PALS2: variants seen among roughly 807,000 people sequenced by gnomAD.
PALS2 encodes the protein protein PALS2.
Under a neutral mutation model 61.6 loss-of-function variants are expected in PALS2, and 27 were observed. The observed-to-expected ratio is 0.44, with a 90% CI of 0.32 to 0.60. PALS2 has a LOEUF of 0.60. Among genes scored for constraint, PALS2 ranks in the 20% least tolerant of loss-of-function variants. PALS2 has a pLI of 0.05. For missense variants in PALS2, 554 were observed against 639.4 expected, an observed-to-expected ratio of 0.87 and a Z score of 1.44; for synonymous variants, 236 against 218.6, an observed-to-expected ratio of 1.08 and a Z score of -0.70.
chr7:24,664,128 G>T (rs1043108304), intron 6 of PALS2, among the ~76,000 whole-genome samples: 2 of 151,976 alleles, frequency 1.3e-5, no homozygotes, highest in African/African-American at 4.8e-5. Context: ...CCTCATGTTC[G>T]TTCATAGCAA....
chr7:24,589,162 G>A (rs1307812171), intron 1 of PALS2: 1 of 152,066 alleles, frequency 6.6e-6, no homozygotes, highest in Non-Finnish European at 1.5e-5. Context: ...TGTCTGCTTT[G>A]TATACACATC....
At chr7:24,588,992 A>G (rs1351091895) in intron 1 of PALS2, 2 of 152,194 alleles carry the variant, frequency 1.3e-5, no homozygotes, top group African/African-American at 4.8e-5. Context: ...TATAACAACT[A>G]CACTGTACAA....
chr7:24,592,450 C>T (rs535263579), intron 1 of PALS2, among the ~76,000 whole-genome samples: 1 of 152,044 alleles, frequency 6.6e-6, no homozygotes, highest in East Asian at 1.9e-4. Flanking sequence ...TGTGAAGGCC[C>T]TTATGCTGTA....
rs1471645361 is a variant in PALS2, at chr7:24,690,195, T to C, written c.*2581T>C. The C allele has an allele frequency of 6.6e-6, 1 of 152,188 alleles. No individual in the cohort carries two copies. The highest frequency in any genetic ancestry group is 1.5e-5 in the Non-Finnish European group (1 of 68,020). The allele number at this position is 152,188 out of a possible 1,614,324, so 9.4% of individuals were successfully genotyped here. A position where few individuals can be genotyped will look rare whatever the true frequency, so the allele number is the denominator to read the frequency against. ...GTTAGATAAGTTCATTGTATCTCAA[T>C]GAAGAATCATTGAACTTGAAACCCA... On this transcript the variant is annotated 3_prime_UTR_variant, in exon 12 of 12. Coordinates refer to ENST00000222644, the MANE Select transcript of PALS2 (RefSeq NM_001303037.2).
chr7:24,577,344 C>A (rs1225239385), intron 1 of PALS2, among the ~76,000 whole-genome samples: 1 of 147,922 alleles, frequency 6.8e-6, no homozygotes, highest in Non-Finnish European at 1.5e-5. Context: ...CTCTGGCTAA[C>A]TTTAGGATTG....
At chr7:24,593,834 C>T (rs558939154) in intron 1 of PALS2, among the ~76,000 whole-genome samples, 91 of 152,156 alleles carry the variant, frequency 6.0e-4, no homozygotes, top group Non-Finnish European at 1.1e-3. Context: ...TTTTATGGGA[C>T]AGGATTTTTC....
At position 24,585,126 on chromosome 7, in the gene PALS2, G is replaced by T. The variant is rs184749101; in HGVS notation, c.-3+11533G>T. ...CCTCCAGCTTTGTTCTTTTGGCTTA[G>T]GATTACCTTGGCAATGTGGGCTCTT... On this transcript the variant is annotated intron_variant, in intron 1 of 11. Coordinates refer to ENST00000222644, the MANE Select transcript of PALS2 (RefSeq NM_001303037.2). Among the ~76,000 whole-genome samples, 5 of 152,266 alleles carry T rather than the reference G, an allele frequency of 3.3e-5. No homozygotes were observed. In the East Asian group the frequency reaches 9.6e-4, roughly 29 times the overall value.
chr7:24,649,122 A>G (rs565523772), intron 3 of PALS2, among the ~76,000 whole-genome samples: 1 of 152,226 alleles, frequency 6.6e-6, no homozygotes, highest in South Asian at 2.1e-4. Context: ...ATATTTATCC[A>G]TTTTCTGTTG....
chr7:24,687,524 T>C lies in PALS2; in HGVS notation c.1533T>C (p.Asp511=), dbSNP rs2128038355. 6.2e-7 allele frequency: 1 copy of C among 1,613,180 alleles called. No individual in the cohort carries two copies. Among genetic ancestry groups the C allele is most frequent in the Non-Finnish European group, 8.5e-7 (1 of 1,179,672 alleles). ...NHYFDLIIIN[D]NLDKAFEKLQ... ...ATTTTGATTTGATCATCATAAATGA[T>C]AATCTAGACAAAGCCTTTGAAAAAC... Residue 511 remains aspartate, a synonymous_variant, in exon 12 of 12, where the codon GAT becomes GAC. Transcript: ENST00000222644. The surrounding 1 kb of genome is among the most constrained non-coding windows in gnomAD (Gnocchi z 4.5).
intron 1 of PALS2, among the ~76,000 whole-genome samples, chr7:24,613,130 A>C (rs973472213): frequency 3.3e-5 from 5 of 151,678 alleles, no homozygotes; most frequent in Non-Finnish European, 7.4e-5. Context: ...TCTATGTAGA[A>C]ATTGGAAAGC....
Position 24,687,668 on chromosome 7 carries a change from A to G in PALS2, c.*54A>G. 5 of 1,498,722 alleles carry G rather than the reference A, an allele frequency of 3.3e-6. No individual in the cohort carries two copies. The highest frequency in any genetic ancestry group is 1.9e-4 in the Middle Eastern group (1 of 5,338). 92.8% of individuals were successfully genotyped at this position (1,498,722 alleles called of 1,614,324 possible). A position where few individuals can be genotyped will look rare whatever the true frequency, so the allele number is the denominator to read the frequency against. The stretch of plus-strand genomic sequence containing the variant: ...AAACTCTTAAAAAGTGACTGCAACA[A>G]ATAAACCTTCTACTGAGAAAATACA... On this transcript the variant is annotated 3_prime_UTR_variant, in exon 12 of 12. Transcript: ENST00000222644. This position sits in a 1 kb window ranked among gnomAD's most constrained non-coding sequence, Gnocchi z 4.5.
rs995967440 is a variant in PALS2, at chr7:24,618,010, T to C, written c.-2-5656T>C. ...GCTGGGTGCACAACTGCTTAGCCAG[T>C]CTGTGGGCATGTTTGTTGAGTTCAG... On this transcript the variant is annotated intron_variant, in intron 1 of 11. Coordinates refer to ENST00000222644, the MANE Select transcript of PALS2 (RefSeq NM_001303037.2). The surrounding 1 kb of genome is among the most constrained non-coding windows in gnomAD (Gnocchi z 5.1). Among the ~76,000 whole-genome samples, 1 of 152,204 alleles carries C rather than the reference T, an allele frequency of 6.6e-6. No homozygotes were observed. The highest frequency in any genetic ancestry group is 6.5e-5 in the Admixed American group (1 of 15,286).
chr7:24,590,857 T>C (rs1783257897), intron 1 of PALS2, among the ~76,000 whole-genome samples: 1 of 151,928 alleles, frequency 6.6e-6, no homozygotes, highest in African/African-American at 2.4e-5. Flanking sequence ...TTTTTTTTTT[T>C]TTTGAGGGGA....
rs1025238623 is a variant in PALS2 at position 24,693,070 on chromosome 7, T to C, written c.*5456T>C. The stretch of plus-strand genomic sequence containing the variant: ...AGTCGATCAGAAGGGATAGTTCTCT[T>C]CCTTTTTTTCCCCTCCTACTGGCTC... On this transcript the variant is annotated 3_prime_UTR_variant, in exon 12 of 12. Transcript: ENST00000222644. 6.6e-6 allele frequency: 1 copy of C among 152,178 alleles called. No homozygotes were observed. The highest frequency in any genetic ancestry group is 1.5e-5 in the Non-Finnish European group (1 of 68,012). 9.4% of individuals were successfully genotyped at this position (152,178 alleles called of 1,614,324 possible). A position where few individuals can be genotyped will look rare whatever the true frequency, so the allele number is the denominator to read the frequency against.
rs1435428603 is a variant in PALS2 at position 24,693,094 on chromosome 7, T to A, written c.*5480T>A. On this transcript the variant is annotated 3_prime_UTR_variant, in exon 12 of 12. Coordinates refer to ENST00000222644, the MANE Select transcript of PALS2 (RefSeq NM_001303037.2). ...TTCCTTTTTTTCCCCTCCTACTGGCTCTTACTGTTTTCTAATCTCCAGTGT... is the reference window on the plus strand; with the variant it reads ...TTCCTTTTTTTCCCCTCCTACTGGCACTTACTGTTTTCTAATCTCCAGTGT... 6.6e-6 allele frequency: 1 copy of A among 152,158 alleles called. No homozygotes were observed. The highest frequency in any genetic ancestry group is 1.5e-5 in the Non-Finnish European group (1 of 68,008). The allele number at this position is 152,158 out of a possible 1,614,324, so 9.4% of individuals were successfully genotyped here.
intron 1 of PALS2, among the ~76,000 whole-genome samples, chr7:24,593,429 C>T (rs57719374): frequency 6.6e-6 from 1 of 152,088 alleles, no homozygotes; most frequent in Non-Finnish European, 1.5e-5. Context: ...CACAAGTGTT[C>T]TTAATGACAT....
intron 9 of PALS2, among the ~76,000 whole-genome samples, chr7:24,673,839 T>C (rs1243531567): frequency 6.6e-6 from 1 of 152,120 alleles, no homozygotes; most frequent in Non-Finnish European, 1.5e-5. Context: ...TATTTTACTC[T>C]CTGTTTTTTT....
chr7:24,666,430 C>T (rs574157102), intron 8 of PALS2, among the ~76,000 whole-genome samples: 2 of 152,164 alleles, frequency 1.3e-5, no homozygotes, highest in African/African-American at 4.8e-5. Flanking sequence ...GGATAGAATG[C>T]CTTTGTCAAG....
In PALS2 at chr7:24,591,686, G is replaced by A. The variant is rs552740491; in HGVS notation, c.-3+18093G>A. Among the ~76,000 whole-genome samples, 4 of 152,058 alleles carry A rather than the reference G, an allele frequency of 2.6e-5. No homozygotes were observed. The South Asian group carries it at 8.3e-4, about 32-fold the overall frequency. ...AATGCTGAGCCGTGTTGCTTCTAGG[G>A]GAAATGCAGGGTTAGGTTCCTGCAA... On this transcript the variant is annotated intron_variant, in intron 1 of 11. Coordinates refer to ENST00000222644, the MANE Select transcript of PALS2 (RefSeq NM_001303037.2).
Sources: allele counts gnomAD v4.1 joint callset (sites outside exome capture counted in the v4.1 genomes callset), GRCh38; gene constraint gnomAD v4.1.1; non-coding constraint Gnocchi (gnomAD v3.1); transcripts MANE v1.5; gene names NCBI Gene and HGNC (gene_info 2026-07-23, HGNC 2026-07-21).